The following ADGRL2 variants were observed in gnomAD, a reference collection of about 807,000 sequenced individuals.
The protein encoded by ADGRL2 is adhesion G protein-coupled receptor L2, also known as calcium-independent alpha-latrotoxin receptor 2.
A neutral mutation model predicts 157.4 loss-of-function variants in ADGRL2; 44 were observed. The observed-to-expected ratio is 0.28, with a 90% CI of 0.22 to 0.36. The LOEUF (loss-of-function observed/expected upper bound fraction) is 0.36, where lower values mean the gene tolerates loss of function less well. ADGRL2 is among the 10% of genes least tolerant of loss of function. The probability of loss-of-function intolerance (pLI) is 1.00; values close to 1 mark genes in which losing one functional copy is unlikely to be tolerated. For synonymous variants in ADGRL2, 585 were observed against 624.7 expected, an observed-to-expected ratio of 0.94 and a Z score of 0.95; for missense variants, 1,510 against 1,768.9, an observed-to-expected ratio of 0.85 and a Z score of 2.63.
intron 2 of ADGRL2, among the ~76,000 whole-genome samples, chr1:81,489,967 T>C (rs924534345): frequency 1.3e-5 from 2 of 151,850 alleles, no homozygotes; most frequent in African/African-American, 2.4e-5. Context: ...CTTAAGAGAG[T>C]CTTCCAGGGT....
rs142802025 is a variant in ADGRL2, at chr1:81,394,178, T to C, written c.-301-50858T>C. 6.3e-3 allele frequency among the ~76,000 whole-genome samples: 966 copies of C among 152,268 alleles called. 7 individuals carry two copies. Among genetic ancestry groups the C allele is most frequent in the Middle Eastern group, 0.021 (6 of 292 alleles). On this transcript the variant is annotated intron_variant, in intron 1 of 24. Coordinates refer to the ADGRL2 transcript ENST00000370721. ...TTCTTGTTAAGGATTTATCATTTAT[T>C]ATATATGTGTTATTATTTATTATAG... is the stretch of plus-strand genomic sequence containing the variant.
intron 2 of ADGRL2, among the ~76,000 whole-genome samples, chr1:81,472,441 T>C (rs1198730732): frequency 2.0e-5 from 3 of 152,192 alleles, no homozygotes; most frequent in African/African-American, 7.2e-5. Flanking sequence ...GAGACCAGCC[T>C]GGGCAACAGT....
chr1:81,487,610 AC>A (rs1394314073), intron 2 of ADGRL2, among the ~76,000 whole-genome samples: 3 of 151,988 alleles, frequency 2.0e-5, no homozygotes, highest in African/African-American at 7.3e-5. Context: ...GCGCCACTGA[AC>A]TCCAGGCTGG....
chr1:81,583,569 T>G (rs1279674180), intron 3 of ADGRL2, among the ~76,000 whole-genome samples: 1 of 152,200 alleles, frequency 6.6e-6, no homozygotes, highest in Non-Finnish European at 1.5e-5. Context: ...CTTATTTTAC[T>G]CTTCACGTTG....
chr1:81,906,993 A>T, intron 2 of ADGRL2, 24 bp from the exon 3 acceptor site: 1 of 1,578,424 alleles, frequency 6.3e-7, no homozygotes, highest in Non-Finnish European at 8.7e-7. Flanking sequence ...TTACAGTTTA[A>T]TTTTCTTTCT....
At chr1:81,969,794 C>G (rs1658187134) in intron 15 of ADGRL2, among the ~76,000 whole-genome samples, 1 of 152,088 alleles carries the variant, frequency 6.6e-6, no homozygotes, top group Non-Finnish European at 1.5e-5. Context: ...TTAGTTAATG[C>G]TTCACCCTAT....
intron 1 of ADGRL2, chr1:81,427,388 TATG>T (rs2077237958): frequency 4.1e-6 from 3 of 739,656 alleles, no homozygotes; most frequent in Non-Finnish European, 2.5e-6. Context: ...AGGTGGTAGA[TATG>T]GTGGTGGTGG....
intron 3 of ADGRL2, among the ~76,000 whole-genome samples, chr1:81,912,373 A>G (rs1020905859): frequency 6.6e-6 from 1 of 152,090 alleles, no homozygotes; most frequent in African/African-American, 2.4e-5. Flanking sequence ...CACCCAGCCT[A>G]TGTTTCTTAT....
chr1:81,339,649 G>C (rs1661920252), intron 1 of ADGRL2, among the ~76,000 whole-genome samples: 1 of 151,932 alleles, frequency 6.6e-6, no homozygotes, highest in Non-Finnish European at 1.5e-5. Context: ...TGTTTCCCAG[G>C]ACTTGAAACC....
rs1663423698 is a variant in ADGRL2 at position 81,987,228 on chromosome 1, A to G, written c.3637+199A>G. ...ATAGTAAAAGCTCAGTCATGATAGTATTTACAATAATGATCCATGTTTTTA... is the reference window on the plus strand; with the variant it reads ...ATAGTAAAAGCTCAGTCATGATAGTGTTTACAATAATGATCCATGTTTTTA... On this transcript the variant is annotated intron_variant, in intron 22 of 23. Coordinates refer to ENST00000686636, the MANE Select transcript of ADGRL2 (RefSeq NM_001366006.2). 3.5e-6 allele frequency: 5 copies of G among 1,410,038 alleles called. No individual in the cohort carries two copies. In the East Asian group the frequency reaches 1.2e-4, roughly 33 times the overall value. The allele number at this position is 1,410,038 out of a possible 1,614,324, so 87.3% of individuals were successfully genotyped here.
intron 1 of ADGRL2, among the ~76,000 whole-genome samples, chr1:81,437,331 G>T (rs2077427416): frequency 6.6e-6 from 1 of 152,104 alleles, no homozygotes; most frequent in Admixed American, 6.6e-5. Flanking sequence ...AACAGCAACT[G>T]GTTTAGTCTC....
chr1:81,981,965 C>T lies in ADGRL2; in HGVS notation c.3271C>T (p.Leu1091Phe). 1 of 1,611,142 alleles carries T rather than the reference C, an allele frequency of 6.2e-7. No individual in the cohort carries two copies. ...GTTCATTTTCATCTTTCACTGTGCT[C>T]TCCAAAAGAAAGTAAGTAATTGAAA... ...GVFIFIFHCALQKKVRKEYGK... is the reference protein window; with the variant it reads ...GVFIFIFHCAFQKKVRKEYGK... The change falls in exon 19 of 24, where the codon CTC (leucine) becomes TTC (phenylalanine). Residue 1091 changes from leucine to phenylalanine, a missense_variant. This residue lies in a region of ADGRL2 where 497 missense variants were observed against 627.2 expected (regional missense o/e 0.79). Coordinates refer to ENST00000686636, the MANE Select transcript of ADGRL2 (RefSeq NM_001366006.2).
intron 2 of ADGRL2, among the ~76,000 whole-genome samples, chr1:81,794,563 T>C (rs1178173053): frequency 6.6e-6 from 1 of 152,236 alleles, no homozygotes; most frequent in African/African-American, 2.4e-5. Flanking sequence ...CATTAAATAT[T>C]ACTTAACAAA....
At chr1:81,919,932 G>T (rs2094939613) in intron 3 of ADGRL2, among the ~76,000 whole-genome samples, 1 of 152,024 alleles carries the variant, frequency 6.6e-6, no homozygotes, top group Non-Finnish European at 1.5e-5. Context: ...AAGCTGTGAT[G>T]ATTACTGAAT....
At chr1:81,426,933 G>A in intron 1 of ADGRL2, 1 of 708,682 alleles carries the variant, frequency 1.4e-6, no homozygotes, top group Non-Finnish European at 2.6e-6. Context: ...ATGGAAGACA[G>A]ACAGAGTGAA....
intron 1 of ADGRL2, among the ~76,000 whole-genome samples, chr1:81,818,374 A>G (rs1280030898): frequency 1.3e-5 from 2 of 152,186 alleles, no homozygotes; most frequent in Non-Finnish European, 2.9e-5. Flanking sequence ...TACATTCAAG[A>G]TGTAATTTTT....
chr1:81,313,599 G>A (rs1179998468), intron 1 of ADGRL2, among the ~76,000 whole-genome samples: 1 of 152,118 alleles, frequency 6.6e-6, no homozygotes, highest in South Asian at 2.1e-4. Flanking sequence ...ACCAAAGTTC[G>A]AAAGGCAGAT....
At chr1:81,841,097 A>G (rs191745692) in intron 2 of ADGRL2, among the ~76,000 whole-genome samples, 1 of 152,328 alleles carries the variant, frequency 6.6e-6, no homozygotes, top group Non-Finnish European at 1.5e-5. Flanking sequence ...CAAATTCAGT[A>G]ATGCAGATTT....
intron 3 of ADGRL2, among the ~76,000 whole-genome samples, chr1:81,632,941 A>G (rs922026474): frequency 6.6e-6 from 1 of 152,184 alleles, no homozygotes; most frequent in Non-Finnish European, 1.5e-5. Flanking sequence ...TGACTTGGCT[A>G]TAATAGATTT....
Sources: allele counts gnomAD v4.1 joint callset (sites outside exome capture counted in the v4.1 genomes callset), GRCh38; gene constraint gnomAD v4.1.1; regional missense constraint gnomAD v4.1.1; transcripts MANE v1.5; gene names NCBI Gene and HGNC (gene_info 2026-07-23, HGNC 2026-07-21).